The following PSAP variants were observed in gnomAD, a reference collection of about 807,000 sequenced individuals.
PSAP encodes precursor of saposins.
A neutral mutation model predicts 66.0 loss-of-function variants in PSAP; 25 were observed. That is an observed-to-expected ratio of 0.38 (90% confidence interval 0.28 to 0.53). The LOEUF (loss-of-function observed/expected upper bound fraction) is 0.53. PSAP is among the 20% of genes least tolerant of loss of function. The pLI is 0.83. For missense variants in PSAP, 649 were observed against 668.8 expected, an observed-to-expected ratio of 0.97 and a Z score of 0.33; for synonymous variants, 273 against 258.9, an observed-to-expected ratio of 1.05 and a Z score of -0.52.
chr10:71,820,257 C>T lies in PSAP; in HGVS notation c.988G>A (p.Asp330Asn), dbSNP rs774816225. Residue 330 changes from aspartate to asparagine, a missense_variant, in exon 9 of 14, where the codon GAC (aspartate) becomes AAC (asparagine). Transcript: ENST00000394936. ...CAGCATACCTCAGTCTTGTTGTTGT[C>T]AATCAGCTTGGTCACCTCCTTCACC... is the stretch of plus-strand genomic sequence containing the variant. The part of the protein sequence containing the change: ...FLVKEVTKLI[D>N]NNKTEKEILD... 1.1e-5 allele frequency: 17 copies of T among 1,613,876 alleles called. 1 individual carries two copies. In the South Asian group the frequency reaches 1.6e-4, roughly 16 times the overall value.
chr10:71,849,987 GT>G (rs1324853688), intron 1 of PSAP, among the ~76,000 whole-genome samples: 3 of 151,878 alleles, frequency 2.0e-5, no homozygotes, highest in Non-Finnish European at 4.4e-5. Flanking sequence ...CATCAGATGG[GT>G]TTTATTTGAC....
rs141910600 is a variant in PSAP at position 71,842,434 on chromosome 10, C to A, written c.41-7929G>T. On this transcript the variant is annotated intron_variant, in intron 1 of 13. Coordinates refer to ENST00000394936, the MANE Select transcript of PSAP (RefSeq NM_002778.4). ...ATATTTCAAAGCATTAATTTTTAAA[C>A]ACTGACAGTTTAACTTATAAGATGT... Among the ~76,000 whole-genome samples, 348 of 152,180 alleles carry A rather than the reference C, an allele frequency of 2.3e-3. 3 individuals are homozygous for A. The highest frequency in any genetic ancestry group is 7.2e-4 in the Non-Finnish European group (49 of 68,014).
intron 1 of PSAP, among the ~76,000 whole-genome samples, chr10:71,838,855 A>G (rs1397393312): frequency 6.6e-6 from 1 of 152,178 alleles, no homozygotes; most frequent in African/African-American, 2.4e-5. Context: ...GAGCAATTCT[A>G]TATAAGAGGG....
At chr10:71,819,251 T>C in intron 11 of PSAP, 140 bp from the exon 12 acceptor site, 1 of 1,027,304 alleles carries the variant, frequency 9.7e-7, no homozygotes, top group Non-Finnish European at 1.5e-6. Context: ...GGGGCCTCCC[T>C]TTCCAGACAC....
chr10:71,820,247 T>C lies in PSAP; in HGVS notation c.998A>G (p.Lys333Arg). 1 of 1,612,736 alleles carries C rather than the reference T, an allele frequency of 6.2e-7. No homozygotes were observed. The highest frequency in any genetic ancestry group is 8.5e-7 in the Non-Finnish European group (1 of 1,178,676). The change falls in exon 9 of 14, where the codon AAG becomes AGG. Residue 333 changes from lysine to arginine, a missense_variant. Lys to Arg is a conservative substitution (Grantham distance 26). Coordinates refer to ENST00000394936, the MANE Select transcript of PSAP (RefSeq NM_002778.4). ...GCCAGGAGGACAGCATACCTCAGTC[T>C]TGTTGTTGTCAATCAGCTTGGTCAC... ...KEVTKLIDNN[K>R]TEKEILDAFD... is the part of the protein sequence containing the mutation.
chr10:71,831,315 A>G (rs1842511398), intron 3 of PSAP, 64 bp from the exon 4 acceptor site: 3 of 1,595,390 alleles, frequency 1.9e-6, no homozygotes, highest in Non-Finnish European at 2.6e-6. Flanking sequence ...AATGGGCTGA[A>G]GGCAAGAGGC....
intron 3 of PSAP, 43 bp downstream of exon 3, chr10:71,831,803 C>T (rs930244382): frequency 3.8e-6 from 6 of 1,576,520 alleles, no homozygotes; most frequent in African/African-American, 2.7e-5. Flanking sequence ...AACCAGTGCA[C>T]GTGCCCGTGG....
chr10:71,834,042 T>C (rs1318661811), intron 2 of PSAP, among the ~76,000 whole-genome samples: 2 of 152,104 alleles, frequency 1.3e-5, no homozygotes, highest in African/African-American at 2.4e-5. Context: ...TGGCCTCTTA[T>C]CTAAGGTGAG....
chr10:71,848,953 A>C (rs1257259851), intron 1 of PSAP, among the ~76,000 whole-genome samples: 1 of 152,162 alleles, frequency 6.6e-6, no homozygotes, highest in East Asian at 1.9e-4. Context: ...TTAACTAAAT[A>C]TTGTGGTTAA....
chr10:71,825,314 C>T (rs1232167581), intron 7 of PSAP, among the ~76,000 whole-genome samples: 1 of 152,226 alleles, frequency 6.6e-6, no homozygotes, highest in Non-Finnish European at 1.5e-5. Context: ...GACTAGCGAG[C>T]TCATTTCCTG....
rs751199102 is a variant in PSAP at position 71,819,768 on chromosome 10, G to T, written c.1138C>A (p.Leu380Met). The T allele has an allele frequency of 1.2e-6, 2 of 1,614,068 alleles. No homozygotes were observed. Among genetic ancestry groups the T allele is most frequent in the Non-Finnish European group, 1.7e-6 (2 of 1,180,010 alleles). The change falls in exon 10 of 14, where the codon CTG becomes ATG. Residue 380 changes from leucine to methionine, a missense_variant. Physicochemically the swap from Leu to Met is conservative, Grantham distance 15. Transcript: ENST00000394936. Reference protein sequence around the residue: ...SILLEEVSPELVCSMLHLCSG... With the variant: ...SILLEEVSPEMVCSMLHLCSG... ...CAGAGGTGCAGCATGCTGCACACCA[G>T]CTCAGGGCTGACCTCCTCCAGCAGG...
chr10:71,842,775 A>G lies in PSAP; in HGVS notation c.41-8270T>C, dbSNP rs1170514947. ...TCCCAAACTATCATCAACTATTATAAAAGTCAACACTTCATTTGCGCCCAA... is the reference window on the plus strand; with the variant it reads ...TCCCAAACTATCATCAACTATTATAGAAGTCAACACTTCATTTGCGCCCAA... On this transcript the variant is annotated intron_variant, in intron 1 of 13. Coordinates refer to ENST00000394936, the MANE Select transcript of PSAP (RefSeq NM_002778.4). Among the ~76,000 whole-genome samples, 3 of 152,206 alleles carry G rather than the reference A, an allele frequency of 2.0e-5. No homozygotes were observed. In the East Asian group the frequency reaches 5.8e-4, roughly 29 times the overall value.
intron 1 of PSAP, 44 bp downstream of exon 1, chr10:71,851,138 G>C (rs1361343356): frequency 7.1e-6 from 11 of 1,547,474 alleles, no homozygotes; most frequent in Non-Finnish European, 9.6e-6. Flanking sequence ...GCAGATGGAC[G>C]CTGCGAGGCA....
intron 1 of PSAP, among the ~76,000 whole-genome samples, chr10:71,850,905 C>T (rs1842915608): frequency 1.3e-5 from 2 of 152,244 alleles, no homozygotes; most frequent in South Asian, 2.1e-4. Flanking sequence ...GGGAAGGCCT[C>T]GGGGCCCCAG....
At chr10:71,849,514 T>C (rs912112883) in intron 1 of PSAP, among the ~76,000 whole-genome samples, 3 of 151,756 alleles carry the variant, frequency 2.0e-5, no homozygotes, top group Non-Finnish European at 4.4e-5. Context: ...GGCGGGAGAA[T>C]GGCTTGAACC....
intron 4 of PSAP, among the ~76,000 whole-genome samples, 192 bp from the exon 5 acceptor site, chr10:71,829,269 G>A (rs1842464479): frequency 6.6e-6 from 1 of 152,142 alleles, no homozygotes; most frequent in Admixed American, 6.5e-5. Context: ...ACCACACAGT[G>A]GCCCCTAAGC....
chr10:71,823,862 C>T (rs377483923), intron 7 of PSAP: 2 of 1,289,068 alleles, frequency 1.6e-6, no homozygotes, highest in Admixed American at 2.3e-5. Context: ...CAGACCACTA[C>T]TGCAAGCAGA....
intron 6 of PSAP, among the ~76,000 whole-genome samples, chr10:71,827,036 C>T (rs9416010): frequency 0.57 from 86,888 of 152,004 alleles, 25,635 homozygotes; most frequent in Non-Finnish European, 0.66. Context: ...CCATGGTCAG[C>T]GACCATGCTT....
At chr10:71,836,443 C>G (rs929945720) in intron 1 of PSAP, among the ~76,000 whole-genome samples, 1 of 152,132 alleles carries the variant, frequency 6.6e-6, no homozygotes, top group Non-Finnish European at 1.5e-5. Flanking sequence ...AACCCCAGAC[C>G]TGATGACTCC....
Sources: gnomAD v4.1 joint callset for allele counts (sites outside exome capture counted in the v4.1 genomes callset) on GRCh38, gnomAD v4.1.1 for gene constraint, MANE v1.5 for transcripts, NCBI Gene and HGNC (gene_info 2026-07-23, HGNC 2026-07-21) for gene names.